The following MAP2K1 variants were observed in gnomAD, a reference collection of about 807,000 sequenced individuals.
MAP2K1 encodes mitogen-activated protein kinase kinase 1.
A neutral mutation model predicts 46.3 loss-of-function variants in MAP2K1; 16 were observed. The ratio of observed to expected loss-of-function variants is 0.35; its 90% CI spans 0.23 to 0.52. MAP2K1 has a LOEUF of 0.52. MAP2K1 is among the 20% of genes least tolerant of loss of function. The probability of loss-of-function intolerance (pLI) is 0.94; values close to 1 mark genes in which losing one functional copy is unlikely to be tolerated. For missense variants in MAP2K1, 263 were observed against 497.1 expected (o/e 0.53, Z 4.48); for synonymous variants, 183 against 185.6 (o/e 0.99, Z 0.11).
intron 5 of MAP2K1, among the ~76,000 whole-genome samples, chr15:66,474,233 G>A (rs1054513577): frequency 6.6e-6 from 1 of 152,134 alleles, no homozygotes; most frequent in Non-Finnish European, 1.5e-5. Context: ...AATCTTGAAA[G>A]TGAGGGAGAT....
intron 1 of MAP2K1, among the ~76,000 whole-genome samples, chr15:66,412,213 G>A (rs2093413105): frequency 6.6e-6 from 1 of 152,172 alleles, no homozygotes; most frequent in Non-Finnish European, 1.5e-5. Context: ...ATGTAAATCA[G>A]TGTTGTGTTT....
chr15:66,447,792 G>T (rs1383450663), intron 5 of MAP2K1, among the ~76,000 whole-genome samples: 1 of 151,380 alleles, frequency 6.6e-6, no homozygotes, highest in Non-Finnish European at 1.5e-5. Context: ...TCACATTCTT[G>T]TGCAGCCATC....
chr15:66,413,315 C>A lies in MAP2K1; in HGVS notation c.81-21712C>A, dbSNP rs532693397. On this transcript the variant is annotated intron_variant, in intron 1 of 10. Transcript: ENST00000307102. Reference sequence around the variant, plus strand: ...TGATCCTAAGGGAATAAGCTTGACTCTTCTCCTCTTGGTGCTTCAGCACTG... The same window carrying A: ...TGATCCTAAGGGAATAAGCTTGACTATTCTCCTCTTGGTGCTTCAGCACTG... Among the ~76,000 whole-genome samples the A allele has an allele frequency of 3.3e-5, 5 of 152,286 alleles. No homozygotes were observed. The East Asian group carries it at 7.7e-4, about 24-fold the overall frequency.
intron 1 of MAP2K1, among the ~76,000 whole-genome samples, chr15:66,410,082 C>T (rs954060443): frequency 3.3e-5 from 5 of 152,224 alleles, no homozygotes; most frequent in African/African-American, 1.2e-4. Flanking sequence ...ACTCAGTTGT[C>T]AGATGGCTGG....
At chr15:66,429,644 C>T (rs1193836522) in intron 1 of MAP2K1, among the ~76,000 whole-genome samples, 2 of 149,212 alleles carry the variant, frequency 1.3e-5, no homozygotes, top group South Asian at 2.2e-4. Context: ...TGTCCCTTGC[C>T]ACTGGGTCTG....
intron 5 of MAP2K1, among the ~76,000 whole-genome samples, chr15:66,466,209 A>T (rs1892460677): frequency 6.6e-6 from 1 of 152,262 alleles, no homozygotes; most frequent in Non-Finnish European, 1.5e-5. Context: ...TGGTAAAACA[A>T]CCAGTTTCTC....
At chr15:66,426,605 A>G (rs561546873) in intron 1 of MAP2K1, among the ~76,000 whole-genome samples, 1 of 152,296 alleles carries the variant, frequency 6.6e-6, no homozygotes, top group East Asian at 1.9e-4. Flanking sequence ...GGGAAAGGAC[A>G]TTGGCACTCT....
intron 6 of MAP2K1, among the ~76,000 whole-genome samples, chr15:66,482,375 G>GA (rs1892933932): frequency 6.6e-6 from 1 of 152,158 alleles, no homozygotes; most frequent in African/African-American, 2.4e-5. Context: ...CCCAACTCCT[G>GA]AGAGTCTGTT....
rs780816788 is a variant in MAP2K1 at position 66,443,271 on chromosome 15, C to T, written c.439-9C>T. 11 of 1,580,596 alleles carry T rather than the reference C, an allele frequency of 7.0e-6. No individual in the cohort carries two copies. Among genetic ancestry groups the T allele is most frequent in the East Asian group, 2.2e-5 (1 of 44,700 alleles). ...TTGTCACTAACTGGTCTGGTATTCT[C>T]GATCTTAGGATGGAGGTTCTCTGGA... On this transcript the variant is annotated splice_polypyrimidine_tract_variant and intron_variant, in intron 3 of 10. Transcript: ENST00000307102.
chr15:66,472,370 TCTC>T (rs1271349307), intron 5 of MAP2K1, among the ~76,000 whole-genome samples: 11 of 152,176 alleles, frequency 7.2e-5, no homozygotes, highest in Non-Finnish European at 1.5e-4. Context: ...TTGGCTTTCT[TCTC>T]TCGGGCCAGC....
chr15:66,452,286 A>AT (rs1291157525), intron 5 of MAP2K1, among the ~76,000 whole-genome samples: 3 of 9,200 alleles, frequency 3.3e-4, no homozygotes, highest in South Asian at 0.025. Context: ...TTAGAGTATA[A>AT]TAAAAAAAAA....
At chr15:66,393,172 TTC>T (rs1245401954) in intron 1 of MAP2K1, among the ~76,000 whole-genome samples, 1 of 151,520 alleles carries the variant, frequency 6.6e-6, no homozygotes, top group East Asian at 1.9e-4. Flanking sequence ...TGTTATCTCT[TTC>T]TCTCTCTCTT....
chr15:66,400,322 A>C (rs1044976977), intron 1 of MAP2K1, among the ~76,000 whole-genome samples: 23 of 152,244 alleles, frequency 1.5e-4, no homozygotes, highest in Middle Eastern at 3.4e-3. Context: ...CTGTGCCCAG[A>C]CACTTTCTCT....
intron 1 of MAP2K1, among the ~76,000 whole-genome samples, chr15:66,404,699 A>G (rs940949371): frequency 6.6e-6 from 1 of 152,218 alleles, no homozygotes; most frequent in African/African-American, 2.4e-5. Flanking sequence ...TACGTTGAAC[A>G]AAGAATCAGC....
chr15:66,415,203 G>T, intron 1 of MAP2K1: 1 of 502,478 alleles, frequency 2.0e-6, no homozygotes. Flanking sequence ...ATGCCATCTT[G>T]GAGTCCTGGT....
chr15:66,489,167 C>T, intron 8 of MAP2K1, 48 bp from the exon 9 acceptor site: 1 of 1,500,624 alleles, frequency 6.7e-7, no homozygotes, highest in Non-Finnish European at 9.3e-7. Context: ...GAGGAGATGG[C>T]TGGAGCAAGG....
intron 5 of MAP2K1, among the ~76,000 whole-genome samples, chr15:66,481,395 C>A (rs11071894): frequency 0.093 from 14,088 of 152,196 alleles, 652 homozygotes; most frequent in African/African-American, 0.11. Flanking sequence ...GCCATAGATA[C>A]TATATCTTAC....
intron 5 of MAP2K1, among the ~76,000 whole-genome samples, chr15:66,473,612 C>G (rs1305598678): frequency 3.9e-5 from 6 of 152,172 alleles, no homozygotes; most frequent in Non-Finnish European, 7.3e-5. Flanking sequence ...CCTCTCTTCT[C>G]TCTGTACCCC....
At chr15:66,420,746 T>A (rs2093436650) in intron 1 of MAP2K1, among the ~76,000 whole-genome samples, 1 of 54,414 alleles carries the variant, frequency 1.8e-5, no homozygotes, top group African/African-American at 5.5e-5. Context: ...TGTGTGTGTG[T>A]GTGTGTGTGT....
Sources: gnomAD v4.1 joint callset for allele counts (sites outside exome capture counted in the v4.1 genomes callset) on GRCh38, gnomAD v4.1.1 for gene constraint, MANE v1.5 for transcripts, NCBI Gene and HGNC (gene_info 2026-07-23, HGNC 2026-07-21) for gene names.